The following PIK3C3 variants were observed in gnomAD, a reference collection of about 807,000 sequenced individuals.
PIK3C3 encodes the protein phosphatidylinositol 3-kinase catalytic subunit type 3, also known as PI3-kinase type 3.
In PIK3C3, 95 loss-of-function variants were observed where a neutral mutation model predicts 126.1. That is an observed-to-expected ratio of 0.75 (90% CI 0.64 to 0.89). The LOEUF (loss-of-function observed/expected upper bound fraction) is 0.89, where lower values mean the gene tolerates loss of function less well. Ranked by LOEUF, PIK3C3 falls within the 40% of genes least tolerant of loss-of-function variation. The pLI, the probability that PIK3C3 is intolerant of heterozygous loss-of-function variation, is 0.00. For missense variants in PIK3C3, 829 were observed against 1,063.2 expected, an observed-to-expected ratio of 0.78 and a Z score of 3.06; for synonymous variants, 374 against 360.0, an observed-to-expected ratio of 1.04 and a Z score of -0.44.
chr18:41,970,079 A>G (rs997665875), intron 3 of PIK3C3, among the ~76,000 whole-genome samples: 2 of 151,666 alleles, frequency 1.3e-5, no homozygotes, highest in Non-Finnish European at 1.5e-5. Context: ...CTCTCCTTCC[A>G]CTCTCTGTGT....
At chr18:41,962,222 A>G (rs1405026934) in intron 2 of PIK3C3, among the ~76,000 whole-genome samples, 1 of 152,100 alleles carries the variant, frequency 6.6e-6, no homozygotes, top group Non-Finnish European at 1.5e-5. Flanking sequence ...TTTCGCCATT[A>G]TATTATCTGG....
At chr18:42,043,845 T>C (rs757011230) in intron 20 of PIK3C3, 28 bp downstream of exon 20, 10 of 1,486,518 alleles carry the variant, frequency 6.7e-6, no homozygotes, top group South Asian at 1.1e-5. Flanking sequence ...TTACTTTCCA[T>C]TGATCAGATA....
chr18:42,055,144 G>C (rs1193921679), intron 21 of PIK3C3, among the ~76,000 whole-genome samples: 2 of 151,948 alleles, frequency 1.3e-5, no homozygotes, highest in Non-Finnish European at 2.9e-5. Context: ...TGAATGGCCT[G>C]GTACTGTGCT....
At chr18:42,065,302 C>T (rs1179776480) in intron 23 of PIK3C3, among the ~76,000 whole-genome samples, 2 of 151,914 alleles carry the variant, frequency 1.3e-5, no homozygotes, top group African/African-American at 2.4e-5. Context: ...GACCCATGAC[C>T]GCAGAAAAGG....
intron 15 of PIK3C3, among the ~76,000 whole-genome samples, chr18:42,033,386 T>C (rs1398493773): frequency 6.6e-6 from 1 of 152,236 alleles, no homozygotes; most frequent in East Asian, 1.9e-4. Context: ...AGTTTCCTTT[T>C]TAAACTCAAA....
intron 4 of PIK3C3, among the ~76,000 whole-genome samples, chr18:41,975,508 A>C (rs765226094): frequency 6.6e-6 from 1 of 151,986 alleles, no homozygotes; most frequent in Non-Finnish European, 1.5e-5. Flanking sequence ...CCAATTTACA[A>C]ATTTGTGGTG....
At chr18:41,975,535 T>C (rs1220951884) in intron 4 of PIK3C3, among the ~76,000 whole-genome samples, 2 of 152,182 alleles carry the variant, frequency 1.3e-5, no homozygotes, top group African/African-American at 4.8e-5. Context: ...TACATCTTTC[T>C]GGTAACCATA....
chr18:42,062,077 C>A (rs187872977), intron 22 of PIK3C3, among the ~76,000 whole-genome samples: 1 of 151,992 alleles, frequency 6.6e-6, no homozygotes. Context: ...TAATGGGCAG[C>A]CAAGTTGGAG....
At chr18:42,076,129 T>TATATATATATATATATATATATGCAC (rs1985991706) in intron 24 of PIK3C3, among the ~76,000 whole-genome samples, 3 of 81,692 alleles carry the variant, frequency 3.7e-5, no homozygotes, top group African/African-American at 2.6e-4. Context: ...TATGCGCATA[T>TATATATATATATATATATATATGCAC]ATATATATAT....
At chr18:41,957,449 T>G in intron 1 of PIK3C3, 121 bp from the exon 2 acceptor site, 1 of 903,924 alleles carries the variant, frequency 1.1e-6, no homozygotes, top group Non-Finnish European at 1.6e-6. Flanking sequence ...AAGGTAAACT[T>G]TTTAGTACTT....
At chr18:42,056,886 G>A (rs1270211354) in intron 21 of PIK3C3, among the ~76,000 whole-genome samples, 1 of 152,010 alleles carries the variant, frequency 6.6e-6, no homozygotes, top group Non-Finnish European at 1.5e-5. Context: ...TGTAAAACTG[G>A]TTCCTCATAT....
intron 3 of PIK3C3, among the ~76,000 whole-genome samples, chr18:41,963,713 G>A (rs764889987): frequency 6.6e-6 from 1 of 151,922 alleles, no homozygotes; most frequent in Non-Finnish European, 1.5e-5. Flanking sequence ...GAGGAGGATT[G>A]TATTTTGGAG....
intron 12 of PIK3C3, among the ~76,000 whole-genome samples, chr18:42,018,630 C>T (rs1017885247): frequency 3.0e-4 from 46 of 151,994 alleles, no homozygotes; most frequent in African/African-American, 9.9e-4. Flanking sequence ...TCTTATTACT[C>T]GGACTTTACT....
chr18:42,014,207 C>CAAAAA (rs58086258), intron 11 of PIK3C3, among the ~76,000 whole-genome samples: 536 of 37,252 alleles, frequency 0.014, no homozygotes, highest in Non-Finnish European at 0.02. Context: ...GACTCCGTCT[C>CAAAAA]AAAAAAAAAA....
At chr18:42,074,680 G>T (rs1049491398) in intron 24 of PIK3C3, among the ~76,000 whole-genome samples, 2 of 151,954 alleles carry the variant, frequency 1.3e-5, no homozygotes, top group African/African-American at 4.8e-5. Context: ...TGTGTGTTTT[G>T]TTTTTATAGC....
chr18:41,966,471 ATTG>A (rs1464581983), intron 3 of PIK3C3, among the ~76,000 whole-genome samples: 1 of 152,096 alleles, frequency 6.6e-6, no homozygotes, highest in East Asian at 1.9e-4. Flanking sequence ...TGCCTGGCCT[ATTG>A]TTCTTTACTT....
intron 13 of PIK3C3, among the ~76,000 whole-genome samples, chr18:42,024,549 C>T (rs1821579809): frequency 6.6e-6 from 1 of 151,844 alleles, no homozygotes; most frequent in Admixed American, 6.6e-5. Flanking sequence ...AATTCTCCTG[C>T]CTCAGCCTCC....
Position 41,990,406 on chromosome 18 carries a change from T to G in PIK3C3, c.619-53T>G, listed in dbSNP as rs548389220. On this transcript the variant is annotated intron_variant, in intron 5 of 24. Transcript: ENST00000262039. Reference sequence around the variant, plus strand: ...AGGAAAAATGATACATACTGATCCTTTAAGAGAATGTTGAAAATAATCATT... The same window carrying G: ...AGGAAAAATGATACATACTGATCCTGTAAGAGAATGTTGAAAATAATCATT... 1.2e-4 allele frequency: 125 copies of G among 1,033,668 alleles called. 3 individuals are homozygous for G. The South Asian group carries it at 1.6e-3, about 13-fold the overall frequency. 64.0% of individuals were successfully genotyped at this position (1,033,668 alleles called of 1,614,324 possible). A position where few individuals can be genotyped will look rare whatever the true frequency, so the allele number is the denominator to read the frequency against.
At chr18:42,051,510 A>C (rs1220189559) in intron 21 of PIK3C3, among the ~76,000 whole-genome samples, 1 of 151,976 alleles carries the variant, frequency 6.6e-6, no homozygotes, top group Non-Finnish European at 1.5e-5. Context: ...TATAATTTGG[A>C]ATGTCATATA....
Sources: allele counts gnomAD v4.1 joint callset (sites outside exome capture counted in the v4.1 genomes callset), GRCh38; gene constraint gnomAD v4.1.1; transcripts MANE v1.5; gene names NCBI Gene and HGNC (gene_info 2026-07-23, HGNC 2026-07-21).